PAPSS2: variants seen among roughly 807,000 people sequenced by gnomAD.
PAPSS2 encodes bifunctional 3'-phosphoadenosine 5'-phosphosulfate synthase 2.
A neutral mutation model predicts 66.5 loss-of-function variants in PAPSS2; 61 were observed. The ratio of observed to expected loss-of-function variants is 0.92; its 90% CI spans 0.75 to 1.14. PAPSS2 has a LOEUF of 1.14. Among genes scored for constraint, PAPSS2 ranks in the 50% most tolerant of loss-of-function variants. PAPSS2 has a pLI of 0.00. For synonymous variants in PAPSS2, 289 were observed against 287.5 expected, an observed-to-expected ratio of 1.01 and a Z score of -0.05; for missense variants, 708 against 789.6, an observed-to-expected ratio of 0.90 and a Z score of 1.24.
intron 1 of PAPSS2, among the ~76,000 whole-genome samples, chr10:87,665,619 T>C (rs1852806646): frequency 6.6e-6 from 1 of 152,228 alleles, no homozygotes; most frequent in South Asian, 2.1e-4. Flanking sequence ...TCCCCTTTTA[T>C]ACTCACTTTC....
intron 7 of PAPSS2, among the ~76,000 whole-genome samples, chr10:87,717,858 T>C (rs979520977): frequency 6.6e-6 from 1 of 152,188 alleles, no homozygotes; most frequent in African/African-American, 2.4e-5. Context: ...TGCAAAGTGC[T>C]ATTATAGACA....
intron 1 of PAPSS2, among the ~76,000 whole-genome samples, chr10:87,703,508 T>C (rs1333644167): frequency 6.6e-6 from 1 of 152,102 alleles, no homozygotes; most frequent in African/African-American, 2.4e-5. Context: ...CTACCATGAG[T>C]CTGGTATTTT....
intron 9 of PAPSS2, among the ~76,000 whole-genome samples, chr10:87,736,857 A>G (rs1853807398): frequency 6.6e-6 from 1 of 152,018 alleles, no homozygotes; most frequent in Admixed American, 6.6e-5. Flanking sequence ...TTCTCCTTCT[A>G]TGCTTGGCCT....
intron 1 of PAPSS2, among the ~76,000 whole-genome samples, chr10:87,676,196 C>T (rs183735993): frequency 2.6e-3 from 398 of 152,100 alleles, no homozygotes; most frequent in African/African-American, 8.9e-3. Context: ...CTGTTCTTGA[C>T]GGTGGTGACT....
chr10:87,743,258 A>AAT (rs34878691), intron 10 of PAPSS2, 115 bp from the exon 11 acceptor site: 8 of 1,107,420 alleles, frequency 7.2e-6, no homozygotes, highest in Non-Finnish European at 1.1e-5. Context: ...AAAAAAAAAA[A>AAT]GCCAGTGGAT....
chr10:87,731,630 T>A (rs1485852880), intron 9 of PAPSS2, among the ~76,000 whole-genome samples: 2 of 152,184 alleles, frequency 1.3e-5, no homozygotes, highest in Non-Finnish European at 2.9e-5. Flanking sequence ...TGGGAAGAGG[T>A]TAAATATCAA....
chr10:87,733,168 T>C (rs2131724168), intron 9 of PAPSS2, among the ~76,000 whole-genome samples: 1 of 152,336 alleles, frequency 6.6e-6, no homozygotes, highest in Middle Eastern at 3.4e-3. Context: ...CATGTGGCAC[T>C]GGGAGTGATA....
chr10:87,705,281 A>G (rs150887576), intron 1 of PAPSS2, among the ~76,000 whole-genome samples: 2,357 of 152,308 alleles, frequency 0.015, 31 homozygotes, highest in Non-Finnish European at 0.021. Context: ...TGATTATTGA[A>G]TAGTATAACC....
intron 10 of PAPSS2, 24 bp downstream of exon 10, chr10:87,741,394 TTTTA>T (rs755836787): frequency 9.1e-5 from 145 of 1,586,700 alleles, no homozygotes; most frequent in Non-Finnish European, 1.2e-4. Context: ...TCTTAGTGCA[TTTTA>T]TTTATTTATT....
chr10:87,718,052 C>CT (rs896381348), intron 7 of PAPSS2, among the ~76,000 whole-genome samples: 8 of 147,818 alleles, frequency 5.4e-5, no homozygotes, highest in East Asian at 2.0e-4. Flanking sequence ...TTTCTTTTTT[C>CT]TTTTTTTTGA....
chr10:87,743,642 G>A lies in PAPSS2; in HGVS notation c.1491+1G>A, dbSNP rs756721871. On this transcript the variant is annotated splice_donor_variant, in intron 11 of 12. Coordinates refer to ENST00000456849, the MANE Select transcript of PAPSS2 (RefSeq NM_001015880.2). LOFTEE classifies it high-confidence loss of function. ...CATGTTATATGCTGGCCCCACAGAG[G>A]TGAGCAATTCCCAGAGCTGGGCTTT... is the stretch of plus-strand genomic sequence containing the variant. The A allele has an allele frequency of 6.2e-7, 1 of 1,614,174 alleles. No individual in the cohort carries two copies. Among genetic ancestry groups the A allele is most frequent in the Non-Finnish European group, 8.5e-7 (1 of 1,180,002 alleles).
chr10:87,721,428 G>A (rs889185249), intron 7 of PAPSS2, among the ~76,000 whole-genome samples: 1 of 152,046 alleles, frequency 6.6e-6, no homozygotes, highest in Non-Finnish European at 1.5e-5. Context: ...GAAGCTGGAG[G>A]GGACATTAAC....
In PAPSS2 at chr10:87,727,496, C is replaced by A; in HGVS notation, c.1086+7C>A. ...AAAACACCCCCATATCAAAGTAAGT[C>A]ACAAAACCTTTGGAAGGACTTTCTT... On this transcript the variant is annotated splice_region_variant and intron_variant, in intron 9 of 12. Transcript: ENST00000456849. The A allele has an allele frequency of 6.2e-7, 1 of 1,605,362 alleles. No homozygotes were observed. Among genetic ancestry groups the A allele is most frequent in the South Asian group, 1.1e-5 (1 of 90,120 alleles).
intron 1 of PAPSS2, among the ~76,000 whole-genome samples, chr10:87,687,615 A>G (rs1853104763): frequency 6.6e-6 from 1 of 152,178 alleles, no homozygotes; most frequent in Admixed American, 6.5e-5. Flanking sequence ...ACATAGGAGG[A>G]ATAAGTCCTG....
At chr10:87,673,577 C>CGTGTGTGTGTGT (rs1852906396) in intron 1 of PAPSS2, among the ~76,000 whole-genome samples, 1 of 107,720 alleles carries the variant, frequency 9.3e-6, no homozygotes, top group African/African-American at 4.1e-5. Context: ...TGTATGTATT[C>CGTGTGTGTGTGT]ATGTGTGTGT....
chr10:87,667,348 G>A (rs1852826980), intron 1 of PAPSS2, among the ~76,000 whole-genome samples: 1 of 152,034 alleles, frequency 6.6e-6, no homozygotes, highest in South Asian at 2.1e-4. Flanking sequence ...CAGCTATCTA[G>A]GAGGCTGAGG....
chr10:87,733,524 A>G (rs1268871599), intron 9 of PAPSS2, among the ~76,000 whole-genome samples: 3 of 152,228 alleles, frequency 2.0e-5, no homozygotes, highest in African/African-American at 7.2e-5. Context: ...TGACTTCTCA[A>G]TGAAAGATGG....
At chr10:87,702,148 T>G (rs569556758) in intron 1 of PAPSS2, among the ~76,000 whole-genome samples, 1 of 152,220 alleles carries the variant, frequency 6.6e-6, no homozygotes, top group Non-Finnish European at 1.5e-5. Context: ...TTTAAATTGT[T>G]TACATTATAG....
At chr10:87,686,839 C>T (rs988160406) in intron 1 of PAPSS2, among the ~76,000 whole-genome samples, 32 of 152,034 alleles carry the variant, frequency 2.1e-4, no homozygotes, top group Middle Eastern at 3.4e-3. Context: ...CAAAATAGCA[C>T]GAGGAACAGT....
Sources: allele counts gnomAD v4.1 joint callset (sites outside exome capture counted in the v4.1 genomes callset), GRCh38; gene constraint gnomAD v4.1.1; transcripts MANE v1.5; gene names NCBI Gene and HGNC (gene_info 2026-07-23, HGNC 2026-07-21).